Variants in RBM39 observed in about 807,000 individuals in gnomAD.
The protein encoded by RBM39 is RNA binding motif protein 39.
Under a neutral mutation model 79.6 loss-of-function variants are expected in RBM39, and 12 were observed. The ratio of observed to expected loss-of-function variants is 0.15; its 90% CI spans 0.10 to 0.24. The LOEUF is 0.24. Ranked by LOEUF, RBM39 falls within the 10% of genes least tolerant of loss-of-function variation. The pLI is 1.00. For missense variants in RBM39, 243 were observed against 653.4 expected (o/e 0.37, Z 6.85); for synonymous variants, 185 against 208.4 (o/e 0.89, Z 0.97).
In RBM39 at chr20:35,703,279, T is replaced by A. The variant is rs1302203483; in HGVS notation, c.*1202A>T. The A allele has an allele frequency of 6.6e-6, 1 of 152,192 alleles. No homozygotes were observed. Among genetic ancestry groups the A allele is most frequent in the African/African-American group, 2.4e-5 (1 of 41,434 alleles). The allele number at this position is 152,192 out of a possible 1,614,324, so 9.4% of individuals were successfully genotyped here. A position where few individuals can be genotyped will look rare whatever the true frequency, so the allele number is the denominator to read the frequency against. On this transcript the variant is annotated 3_prime_UTR_variant, in exon 17 of 17. Coordinates refer to ENST00000253363, the MANE Select transcript of RBM39 (RefSeq NM_184234.3). Reference sequence around the variant, plus strand: ...TCAATTTTGGAAACCAGTTTGAAGTTAAGCCATTTTGTTAAGTATGTATTG... The same window carrying A: ...TCAATTTTGGAAACCAGTTTGAAGTAAAGCCATTTTGTTAAGTATGTATTG...
At chr20:35,712,936 A>C (rs947633770) in intron 12 of RBM39, 83 bp downstream of exon 12, 1 of 1,059,222 alleles carries the variant, frequency 9.4e-7, no homozygotes, top group Non-Finnish European at 1.4e-6. Context: ...AATTCTCAGT[A>C]AGTCCTTTTA....
At chr20:35,735,045 C>T (rs1226515209) in intron 3 of RBM39, 1 of 1,580,022 alleles carries the variant, frequency 6.3e-7, no homozygotes, top group Non-Finnish European at 8.5e-7. Flanking sequence ...TTGACCTCTT[C>T]CATGTAAGAA....
intron 6 of RBM39, among the ~76,000 whole-genome samples, chr20:35,726,276 T>C (rs1012379105): frequency 6.6e-6 from 1 of 151,960 alleles, no homozygotes; most frequent in African/African-American, 2.4e-5. Flanking sequence ...GGACTACAGG[T>C]GTGTGCCACC....
At chr20:35,726,083 C>T (rs1201935654) in intron 6 of RBM39, among the ~76,000 whole-genome samples, 4 of 152,160 alleles carry the variant, frequency 2.6e-5, no homozygotes, top group African/African-American at 7.2e-5. Context: ...TCTTACATGG[C>T]ATTAGCACAG....
intron 13 of RBM39, chr20:35,707,711 TAAATC>T (rs2035914253): frequency 4.5e-6 from 1 of 223,774 alleles, no homozygotes; most frequent in South Asian, 4.6e-5. Flanking sequence ...CCTAGAAAAA[TAAATC>T]CTATTAACAA....
chr20:35,725,192 C>G, intron 6 of RBM39, 37 bp from the exon 7 acceptor site: 1 of 1,282,124 alleles, frequency 7.8e-7, no homozygotes, highest in Non-Finnish European at 1.1e-6. Context: ...AATTTCATAA[C>G]AGATTTTAAA....
chr20:35,727,015 T>C (rs1460967948), intron 6 of RBM39, among the ~76,000 whole-genome samples: 8 of 151,898 alleles, frequency 5.3e-5, no homozygotes, highest in Non-Finnish European at 1.5e-5. Context: ...TTAGTAGAGA[T>C]GGGGTTTCAC....
At chr20:35,739,270 T>C (rs968615695) in intron 2 of RBM39, 4 of 505,824 alleles carry the variant, frequency 7.9e-6, no homozygotes, top group Non-Finnish European at 1.4e-5. Flanking sequence ...TACTTTCTTA[T>C]ATAGTTTAGA....
At chr20:35,708,932 T>C (rs1288217233) in intron 13 of RBM39, 2 of 263,532 alleles carry the variant, frequency 7.6e-6, no homozygotes, top group East Asian at 8.2e-5. Flanking sequence ...ATATGCAACT[T>C]ATCAACACTT....
At chr20:35,710,145 A>C (rs1379941330) in intron 12 of RBM39, 1 of 152,192 alleles carries the variant, frequency 6.6e-6, no homozygotes, top group African/African-American at 2.4e-5. Context: ...ATATGACATC[A>C]AAATTTTGAT....
In RBM39 at chr20:35,716,749, T is replaced by G; in HGVS notation, c.882A>C (p.Gly294=). 6.3e-7 allele frequency: 1 copy of G among 1,577,272 alleles called. No homozygotes were observed. Among genetic ancestry groups the G allele is most frequent in the Non-Finnish European group, 8.7e-7 (1 of 1,152,392 alleles). ...DSETGRSKGY[G]FITFSDSECA... ...TATGGTAATTACTTACTGTAATAAA[T>G]CCATATCCCTTGGATCGACCAGTTT... is the stretch of plus-strand genomic sequence containing the variant. The change falls in exon 10 of 17, where the codon GGA becomes GGC. Residue 294 remains glycine (G), a synonymous_variant. Coordinates refer to ENST00000253363, the MANE Select transcript of RBM39 (RefSeq NM_184234.3).
At chr20:35,736,624 T>A (rs536595041) in intron 3 of RBM39, 1 of 467,478 alleles carries the variant, frequency 2.1e-6, no homozygotes, top group Non-Finnish European at 4.4e-6. Flanking sequence ...TCTCTCGTTT[T>A]TCATTAACAT....
At position 35,722,438 on chromosome 20, in the gene RBM39, AT is replaced by A. The variant is rs1569029294; in HGVS notation, c.688-562del. On this transcript the variant is annotated intron_variant, in intron 8 of 16. Transcript: ENST00000253363. The stretch of plus-strand genomic sequence containing the variant: ...AATAAAAATAAAAAAAAAAATAAAA[AT>A]AAAAAGTTTATTTAGAGGCTTTTTT... Among the ~76,000 whole-genome samples, 13 of 133,084 alleles carry A rather than the reference AT, an allele frequency of 9.8e-5. No individual in the cohort carries two copies. In the East Asian group the frequency reaches 2.2e-3, roughly 22 times the overall value. 87.3% of individuals were successfully genotyped at this position (133,084 alleles called of 152,430 possible).
intron 12 of RBM39, among the ~76,000 whole-genome samples, chr20:35,709,530 C>T (rs1158364760): frequency 1.3e-5 from 2 of 152,094 alleles, no homozygotes; most frequent in African/African-American, 4.8e-5. Context: ...TTTCACTACA[C>T]TACTATACAG....
At chr20:35,734,355 A>C in intron 3 of RBM39, 2 of 596,898 alleles carry the variant, frequency 3.4e-6, no homozygotes, top group Non-Finnish European at 5.4e-6. Context: ...TATAGAACTC[A>C]TCAAAGCCAT....
At chr20:35,723,894 A>G (rs1401150628) in intron 8 of RBM39, among the ~76,000 whole-genome samples, 1 of 152,200 alleles carries the variant, frequency 6.6e-6, no homozygotes, top group Non-Finnish European at 1.5e-5. Context: ...TTTAAAAATT[A>G]GCTGGGAGTG....
intron 10 of RBM39, among the ~76,000 whole-genome samples, chr20:35,715,700 G>A (rs2037025322): frequency 6.6e-6 from 1 of 152,182 alleles, no homozygotes. Context: ...TAGGAACACA[G>A]TAATATAATT....
At chr20:35,720,973 C>T (rs2037854909) in intron 9 of RBM39, among the ~76,000 whole-genome samples, 1 of 101,302 alleles carries the variant, frequency 9.9e-6, no homozygotes, top group Non-Finnish European at 2.0e-5. Context: ...AAGGGTCTCG[C>T]CAGGCCAGGC....
At chr20:35,714,119 A>T (rs56322071) in intron 11 of RBM39, 66 bp downstream of exon 11, 2 of 1,500,270 alleles carry the variant, frequency 1.3e-6, no homozygotes, top group South Asian at 1.2e-5. Context: ...CTTAGTTTAC[A>T]TGGCTACCTT....
Sources: gnomAD v4.1 joint callset for allele counts (sites outside exome capture counted in the v4.1 genomes callset) on GRCh38, gnomAD v4.1.1 for gene constraint, MANE v1.5 for transcripts, NCBI Gene and HGNC (gene_info 2026-07-23, HGNC 2026-07-21) for gene names.